UVRAG: variants seen among roughly 807,000 people sequenced by gnomAD.
The protein encoded by UVRAG is UV radiation resistance associated, also known as UV radiation resistance-associated gene protein.
UVRAG carries 19 observed loss-of-function variants against 78.0 expected under a neutral mutation model. The observed-to-expected ratio is 0.24, with a 90% CI of 0.17 to 0.36. UVRAG has a LOEUF of 0.36. Ranked by LOEUF, UVRAG falls within the 10% of genes least tolerant of loss-of-function variation. UVRAG has a pLI of 1.00. For missense variants in UVRAG, 740 were observed against 853.8 expected (o/e 0.87, Z 1.66); for synonymous variants, 323 against 324.6 (o/e 1.00, Z 0.05).
chr11:75,995,376 AT>A (rs1193182672), intron 8 of UVRAG, among the ~76,000 whole-genome samples: 1 of 151,810 alleles, frequency 6.6e-6, no homozygotes, highest in Non-Finnish European at 1.5e-5. Context: ...GATATGTCAG[AT>A]TTCATTGCTC....
At chr11:75,923,852 C>T (rs957082352) in intron 6 of UVRAG, among the ~76,000 whole-genome samples, 7 of 152,266 alleles carry the variant, frequency 4.6e-5, no homozygotes, top group Non-Finnish European at 1.0e-4. Flanking sequence ...CAATAATTTA[C>T]AGCACATTTT....
chr11:76,105,174 A>G (rs2134450458), intron 13 of UVRAG, among the ~76,000 whole-genome samples: 1 of 152,324 alleles, frequency 6.6e-6, no homozygotes, highest in Middle Eastern at 3.4e-3. Context: ...CAGTAGAGAT[A>G]CAGATGGCAA....
At chr11:75,949,950 T>G (rs1168113656) in intron 6 of UVRAG, among the ~76,000 whole-genome samples, 2 of 152,040 alleles carry the variant, frequency 1.3e-5, no homozygotes, top group African/African-American at 4.8e-5. Flanking sequence ...TCTTACTGCC[T>G]TATCATTTAT....
Position 76,004,017 on chromosome 11 carries a change from C to T in UVRAG, c.839C>T (p.Ser280Leu). 6.2e-7 allele frequency: 1 copy of T among 1,613,842 alleles called. No homozygotes were observed. Among genetic ancestry groups the T allele is most frequent in the South Asian group, 1.1e-5 (1 of 91,064 alleles). Residue 280 changes from serine (S) to leucine (L), a missense_variant, in exon 9 of 15, where the codon TCA (serine) becomes TTA (leucine). Ser to Leu is a moderately radical substitution (Grantham distance 145, BLOSUM62 -2). Transcript: ENST00000356136. ...IALQDKGSAFSAEHLKLQLQK... is the reference protein window; with the variant it reads ...IALQDKGSAFLAEHLKLQLQK... ...CTTTTCTTTCTAGGAAGTGCATTTT[C>T]AGCTGAGCACCTCAAACTTCAACTC...
intron 13 of UVRAG, among the ~76,000 whole-genome samples, chr11:76,096,354 G>A (rs1226734408): frequency 2.0e-5 from 3 of 152,140 alleles, no homozygotes; most frequent in Admixed American, 6.5e-5. Flanking sequence ...AGTTAAAAAC[G>A]TAAGAGTACG....
intron 13 of UVRAG, among the ~76,000 whole-genome samples, chr11:76,066,280 A>G (rs903218381): frequency 1.3e-5 from 2 of 152,144 alleles, no homozygotes; most frequent in Non-Finnish European, 1.5e-5. Flanking sequence ...CACTCTCAAC[A>G]TCACATCAGT....
At chr11:76,020,295 G>A (rs1339180068) in intron 12 of UVRAG, among the ~76,000 whole-genome samples, 1 of 151,976 alleles carries the variant, frequency 6.6e-6, no homozygotes, top group African/African-American at 2.4e-5. Flanking sequence ...CTGGAATCAG[G>A]GACCCCAAAA....
intron 7 of UVRAG, among the ~76,000 whole-genome samples, chr11:75,965,877 T>A (rs1355920365): frequency 6.6e-6 from 1 of 152,176 alleles, no homozygotes; most frequent in East Asian, 1.9e-4. Flanking sequence ...TGCACAGTTT[T>A]ATGCCCTTTA....
At chr11:75,915,214 A>T (rs1947824703) in intron 6 of UVRAG, 1 of 152,360 alleles carries the variant, frequency 6.6e-6, no homozygotes, top group African/African-American at 2.4e-5. Flanking sequence ...ACTGCACTCC[A>T]GCCTGGGTGA....
At chr11:75,855,389 G>A (rs1165177035) in intron 2 of UVRAG, among the ~76,000 whole-genome samples, 1 of 152,212 alleles carries the variant, frequency 6.6e-6, no homozygotes, top group Non-Finnish European at 1.5e-5. Context: ...GCGGGCTTCA[G>A]TTAATTTATC....
intron 1 of UVRAG, among the ~76,000 whole-genome samples, chr11:75,828,758 TATATATATATATATATAC>T (rs1565333915): frequency 2.7e-5 from 3 of 113,116 alleles, no homozygotes; most frequent in African/African-American, 8.0e-5. Context: ...CACACACATA[TATATATATATATATATAC>T]ACACATATAT....
chr11:76,130,505 G>A (rs1023030696), intron 14 of UVRAG, among the ~76,000 whole-genome samples: 1 of 152,156 alleles, frequency 6.6e-6, no homozygotes, highest in East Asian at 1.9e-4. Flanking sequence ...CAAAAGATAA[G>A]GTTACCAAGA....
At chr11:75,839,141 T>C (rs1945852968) in intron 1 of UVRAG, 1 of 152,242 alleles carries the variant, frequency 6.6e-6, no homozygotes, top group Non-Finnish European at 1.5e-5. Flanking sequence ...TATTTTTCTG[T>C]GAATTATCTG....
rs60133924 is a variant in UVRAG at position 76,053,344 on chromosome 11, A to ACACAC, written c.1227-12366_1227-12365insCACAC. ...ACACACACACACACACACACACACA[A>ACACAC]AAATAAATATGCACCTGCTCCTTCT... On this transcript the variant is annotated intron_variant, in intron 12 of 14. Coordinates refer to ENST00000356136, the MANE Select transcript of UVRAG (RefSeq NM_003369.4). Among the ~76,000 whole-genome samples, 849 of 142,422 alleles carry ACACAC rather than the reference A, an allele frequency of 6.0e-3. 15 individuals carry two copies. Among genetic ancestry groups the ACACAC allele is most frequent in the African/African-American group, 0.021 (779 of 36,876 alleles). 93.4% of individuals were successfully genotyped at this position (142,422 alleles called of 152,430 possible).
intron 4 of UVRAG, among the ~76,000 whole-genome samples, chr11:75,887,596 C>G (rs1279728125): frequency 1.3e-5 from 2 of 152,044 alleles, no homozygotes; most frequent in African/African-American, 2.4e-5. Context: ...TGCAGGCGCC[C>G]GCTACCACGC....
chr11:75,990,240 C>T, intron 8 of UVRAG, among the ~76,000 whole-genome samples: 1 of 152,132 alleles, frequency 6.6e-6, no homozygotes, highest in East Asian at 1.9e-4. Context: ...TGCCTTGTTT[C>T]ACAAGCCTAC....
intron 12 of UVRAG, among the ~76,000 whole-genome samples, chr11:76,040,540 GTTTGTTTGT>G (rs761603322): frequency 2.0e-5 from 3 of 151,180 alleles, no homozygotes; most frequent in Admixed American, 6.6e-5. Context: ...TTTTTTGTTT[GTTTGTTTGT>G]TTTGTTTTGT....
intron 12 of UVRAG, among the ~76,000 whole-genome samples, chr11:76,053,344 A>AC (rs60133924): frequency 0.013 from 1,876 of 142,396 alleles, 44 homozygotes; most frequent in African/African-American, 0.044. Context: ...CACACACACA[A>AC]AAATAAATAT....
chr11:75,990,897 A>G (rs1949592616), intron 8 of UVRAG, among the ~76,000 whole-genome samples: 1 of 152,220 alleles, frequency 6.6e-6, no homozygotes, highest in South Asian at 2.1e-4. Flanking sequence ...TAGTACACAT[A>G]GAATAAATAT....
Sources: gnomAD v4.1 joint callset for allele counts (sites outside exome capture counted in the v4.1 genomes callset) on GRCh38, gnomAD v4.1.1 for gene constraint, MANE v1.5 for transcripts, NCBI Gene and HGNC (gene_info 2026-07-23, HGNC 2026-07-21) for gene names.